F5: variants seen among roughly 807,000 people sequenced by gnomAD.
F5 encodes coagulation factor V, also known as activated protein c cofactor.
A neutral mutation model predicts 216.4 loss-of-function variants in F5; 138 were observed. The ratio of observed to expected loss-of-function variants is 0.64; its 90% CI spans 0.56 to 0.73. The LOEUF is 0.73. Among genes scored for constraint, F5 ranks in the 30% least tolerant of loss-of-function variants. F5 has a pLI of 0.00. For missense variants in F5, 2,403 were observed against 2,674.0 expected, an observed-to-expected ratio of 0.90 and a Z score of 2.24; for synonymous variants, 916 against 930.7, an observed-to-expected ratio of 0.98 and a Z score of 0.29.
At chr1:169,569,904 G>A (rs917736494) in intron 3 of F5, among the ~76,000 whole-genome samples, 18 of 151,982 alleles carry the variant, frequency 1.2e-4, no homozygotes, top group African/African-American at 4.3e-4. Flanking sequence ...CAAAAAAATA[G>A]CTCAAACCAC....
At chr1:169,565,404 A>C (rs1660575729) in intron 3 of F5, among the ~76,000 whole-genome samples, 1 of 152,114 alleles carries the variant, frequency 6.6e-6, no homozygotes, top group Non-Finnish European at 1.5e-5. Context: ...TGCCTTCCAT[A>C]GGTACCTAGA....
rs765415797 is a variant in F5 at position 169,523,868 on chromosome 1, C to T, written c.5825G>A (p.Gly1942Asp). 2 of 1,613,858 alleles carry T rather than the reference C, an allele frequency of 1.2e-6. No homozygotes were observed. Among genetic ancestry groups the T allele is most frequent in the Non-Finnish European group, 1.7e-6 (2 of 1,179,904 alleles). Residue 1942 changes from glycine to aspartate, a missense_variant, in exon 20 of 25, where the codon GGT (glycine) becomes GAT (aspartate). Physicochemically the swap from Gly to Asp is moderately conservative, Grantham distance 94. Coordinates refer to ENST00000367797, the MANE Select transcript of F5 (RefSeq NM_000130.5). ...TACACTCCAAGCATTATAAGATCCA[C>T]CATTGTTTAATCTTGCTAATCTGGG... ...WEPRLARLNN[G>D]GSYNAWSVEK...
chr1:169,528,463 A>C (rs1659511969), intron 16 of F5, among the ~76,000 whole-genome samples: 2 of 152,146 alleles, frequency 1.3e-5, no homozygotes, highest in South Asian at 4.1e-4. Flanking sequence ...GACAAAGTAA[A>C]CTCCAGGGAT....
chr1:169,546,170 T>C (rs1659996699), intron 11 of F5, among the ~76,000 whole-genome samples: 1 of 134,062 alleles, frequency 7.5e-6, no homozygotes, highest in African/African-American at 2.8e-5. Flanking sequence ...CCACGCAGAG[T>C]ATGTCTGTGT....
At position 169,515,588 on chromosome 1, in the gene F5, G is replaced by C. The variant is rs377723406; in HGVS notation, c.6384C>G (p.Leu2128=). The C allele has an allele frequency of 6.2e-6, 10 of 1,613,046 alleles. No individual in the cohort carries two copies. The highest frequency in any genetic ancestry group is 1.3e-5 in the African/African-American group (1 of 74,832). ...TAATTGCCGTTATCTTCTTGATCTTGAGTAGATCAATTTCTAGCCACTGCT... is the reference window on the plus strand; with the variant it reads ...TAATTGCCGTTATCTTCTTGATCTTCAGTAGATCAATTTCTAGCCACTGCT... ...NNKQWLEIDL[L]KIKKITAIIT... is the part of the protein sequence containing the mutation. Residue 2128 remains leucine, a synonymous_variant, in exon 24 of 25, where the codon CTC becomes CTG. Coordinates refer to ENST00000367797, the MANE Select transcript of F5 (RefSeq NM_000130.5).
At chr1:169,530,717 T>C in intron 15 of F5, 69 bp downstream of exon 15, 1 of 1,347,666 alleles carries the variant, frequency 7.4e-7, no homozygotes, top group South Asian at 1.2e-5. Flanking sequence ...TAACCCCGAC[T>C]CTTCCATTTG....
chr1:169,515,537 G>A lies in F5; in HGVS notation c.6435C>T (p.Ser2145=), dbSNP rs1359141464. ...TATAGCTCTTTACATACATTTCAGA[G>A]GACAGAGACTTGCAGCCCTGTGTTA... is the stretch of plus-strand genomic sequence containing the variant. ...AIITQGCKSL[S]SEMYVKSYTI... The change falls in exon 24 of 25, where the codon TCC becomes TCT. Residue 2145 remains serine (S), a synonymous_variant. Coordinates refer to ENST00000367797, the MANE Select transcript of F5 (RefSeq NM_000130.5). 6.2e-7 allele frequency: 1 copy of A among 1,613,456 alleles called. No individual in the cohort carries two copies.
intron 21 of F5, 140 bp from the exon 22 acceptor site, chr1:169,520,804 T>G: frequency 1.3e-6 from 1 of 751,666 alleles, no homozygotes; most frequent in Non-Finnish European, 2.2e-6. Context: ...AAAATATACT[T>G]GGGGATAATT....
rs1237861713 is a variant in F5 at position 169,541,864 on chromosome 1, T to C, written c.3226A>G (p.Thr1076Ala). 6.2e-7 allele frequency: 1 copy of C among 1,614,156 alleles called. No homozygotes were observed. The highest frequency in any genetic ancestry group is 8.5e-7 in the Non-Finnish European group (1 of 1,179,990). The stretch of plus-strand genomic sequence containing the variant: ...TGATTGAGGTCTGTGGGAAGAGATG[T>C]TTCATTGGATTTATGAAGCACCAAC... ...HSLVLHKSNETSLPTDLNQTL... is the reference protein window; with the variant it reads ...HSLVLHKSNEASLPTDLNQTL... The change falls in exon 13 of 25, where the codon ACA becomes GCA. Residue 1076 changes from threonine to alanine, a missense_variant. This residue lies in a region of F5 where 1,425 missense variants were observed against 1,554.8 expected (regional missense o/e 0.92). Coordinates refer to ENST00000367797, the MANE Select transcript of F5 (RefSeq NM_000130.5).
rs767561299 is a variant in F5, at chr1:169,552,743, G to A, written c.1119-9C>T. 6.2e-6 allele frequency: 10 copies of A among 1,601,518 alleles called. No homozygotes were observed. In the African/African-American group the frequency reaches 1.2e-4, roughly 19 times the overall value. On this transcript the variant is annotated splice_polypyrimidine_tract_variant and intron_variant, in intron 7 of 24. Transcript: ENST00000367797. The stretch of plus-strand genomic sequence containing the variant: ...GCTGAGACCTGTATTTTCTTAAAGT[G>A]AAGTAAAAAAAAATTAAACCACTTT...
At chr1:169,550,297 C>A (rs1424523857) in intron 9 of F5, among the ~76,000 whole-genome samples, 11 of 133,148 alleles carry the variant, frequency 8.3e-5, no homozygotes, top group African/African-American at 2.8e-4. Context: ...CACCCCCCCC[C>A]CCCGACAGGC....
In F5 at chr1:169,512,010, CATTAG is replaced by C. The variant is rs1324846079; in HGVS notation, c.*2298_*2302del. Among the ~76,000 whole-genome samples, 1 of 151,962 alleles carries C rather than the reference CATTAG, an allele frequency of 6.6e-6. No individual in the cohort carries two copies. Among genetic ancestry groups the C allele is most frequent in the African/African-American group, 2.4e-5 (1 of 41,408 alleles). ...CAGGGGTTTTAATATTTCTACACAG[CATTAG>C]ATAATAGCCCAAACATATTATTGAT... On this transcript the variant is annotated 3_prime_UTR_variant, in exon 25 of 25. Transcript: ENST00000367797.
At chr1:169,569,071 C>T (rs983016316) in intron 3 of F5, among the ~76,000 whole-genome samples, 2 of 152,036 alleles carry the variant, frequency 1.3e-5, no homozygotes, top group African/African-American at 2.4e-5. Flanking sequence ...AAGGGATCCA[C>T]ATTTTTGTGA....
rs747864213 is a variant in F5, at chr1:169,514,276, TAA to T, written c.*35_*36del. ...GCCCATTCTAAATGGTTTGAGGTCT[TAA>T]AGAGTCTCTTCCAGGGGTTTTTGAA... On this transcript the variant is annotated 3_prime_UTR_variant, in exon 25 of 25. Coordinates refer to ENST00000367797, the MANE Select transcript of F5 (RefSeq NM_000130.5). The T allele has an allele frequency of 6.2e-7, 1 of 1,609,072 alleles. No homozygotes were observed.
chr1:169,575,368 C>T (rs935295817), intron 2 of F5, among the ~76,000 whole-genome samples: 1 of 152,194 alleles, frequency 6.6e-6, no homozygotes, highest in Non-Finnish European at 1.5e-5. Flanking sequence ...AGAGTCCCAT[C>T]ATGCAGGGCT....
intron 5 of F5, among the ~76,000 whole-genome samples, chr1:169,558,118 G>A (rs1660373961): frequency 6.6e-6 from 1 of 152,142 alleles, no homozygotes; most frequent in African/African-American, 2.4e-5. Flanking sequence ...CCAGGAAATA[G>A]ATGTTAGGAT....
intron 11 of F5, among the ~76,000 whole-genome samples, chr1:169,546,038 A>G (rs1659993061): frequency 6.6e-6 from 1 of 152,094 alleles, no homozygotes; most frequent in African/African-American, 2.4e-5. Context: ...GTGTCAATCC[A>G]TCTTTGGATT....
rs758402360 is a variant in F5, at chr1:169,542,476, T to C, written c.2614A>G (p.Arg872Gly). 6.2e-7 allele frequency: 1 copy of C among 1,614,152 alleles called. No individual in the cohort carries two copies. Residue 872 changes from arginine to glycine, a missense_variant, in exon 13 of 25, where the codon AGA (arginine) becomes GGA (glycine). Arg to Gly is a moderately radical substitution (Grantham distance 125). Coordinates refer to ENST00000367797, the MANE Select transcript of F5 (RefSeq NM_000130.5). ...HAKHKGPKVE[R>G]DQAAKHRFSW... ...AACCTGTGCTTTGCTGCTTGATCTCTTTCTACCTTGGGTCCCTTATGCTTA... is the reference window on the plus strand; with the variant it reads ...AACCTGTGCTTTGCTGCTTGATCTCCTTCTACCTTGGGTCCCTTATGCTTA...
chr1:169,553,688 C>G (rs368626462), intron 7 of F5, among the ~76,000 whole-genome samples: 4 of 152,240 alleles, frequency 2.6e-5, no homozygotes, highest in African/African-American at 4.8e-5. Context: ...CGCCACTGCA[C>G]TCCAGCCTGG....
Sources: allele counts gnomAD v4.1 joint callset (sites outside exome capture counted in the v4.1 genomes callset), GRCh38; gene constraint gnomAD v4.1.1; regional missense constraint gnomAD v4.1.1; transcripts MANE v1.5; gene names NCBI Gene and HGNC (gene_info 2026-07-23, HGNC 2026-07-21).